The following CYTH4 variants were observed in gnomAD, a reference collection of about 807,000 sequenced individuals.
CYTH4 encodes cytohesin 4.
CYTH4 carries 22 observed loss-of-function variants against 57.5 expected under a neutral mutation model. The ratio of observed to expected loss-of-function variants is 0.38; its 90% CI spans 0.27 to 0.55. The LOEUF (loss-of-function observed/expected upper bound fraction) is 0.55, where lower values mean the gene tolerates loss of function less well. Among genes scored for constraint, CYTH4 ranks in the 20% least tolerant of loss-of-function variants. The pLI is 0.74. For synonymous variants in CYTH4, 186 were observed against 206.5 expected (o/e 0.90, Z 0.85); for missense variants, 420 against 535.6 (o/e 0.78, Z 2.13).
At position 37,298,903 on chromosome 22, in the gene CYTH4, C is replaced by A. The variant is rs926832235; in HGVS notation, c.354-323C>A. On this transcript the variant is annotated intron_variant, in intron 5 of 12. Transcript: ENST00000248901. This position sits in a 1 kb window ranked among gnomAD's most constrained non-coding sequence, Gnocchi z 4.1. Reference sequence around the variant, plus strand: ...AGCTGGGGCTGGGAAGGTCAAGTGGCTTCCGCGAGGTCACCAGGTGGGAAG... The same window carrying A: ...AGCTGGGGCTGGGAAGGTCAAGTGGATTCCGCGAGGTCACCAGGTGGGAAG... Among the ~76,000 whole-genome samples the A allele has an allele frequency of 6.6e-6, 1 of 152,110 alleles. No homozygotes were observed. The highest frequency in any genetic ancestry group is 1.5e-5 in the Non-Finnish European group (1 of 68,016).
intron 2 of CYTH4, 151 bp downstream of exon 2, chr22:37,292,854 G>T (rs1376713013): frequency 9.9e-6 from 7 of 706,440 alleles, no homozygotes; most frequent in African/African-American, 3.6e-5. Flanking sequence ...GGAGCAGGGA[G>T]AACAACAAGA....
intron 2 of CYTH4, among the ~76,000 whole-genome samples, chr22:37,294,372 G>A (rs992581029): frequency 6.6e-6 from 1 of 152,036 alleles, no homozygotes; most frequent in Non-Finnish European, 1.5e-5. Flanking sequence ...GTTGGAAAAA[G>A]GATGGGCAAG....
In CYTH4 at chr22:37,292,621, A is replaced by G. The variant is rs1273188998; in HGVS notation, c.20A>G (p.Glu7Gly). The G allele has an allele frequency of 1.2e-6, 2 of 1,613,596 alleles. No homozygotes were observed. Among genetic ancestry groups the G allele is most frequent in the East Asian group, 2.2e-5 (1 of 44,890 alleles). ...GGGAAGGCCGGTTGTCTCTCTGTAG[A>G]GCCCGCGGAGCTGAGCAGCGGGGAG... MDLCHPEPAELSSGETE... is the reference protein window; with the variant it reads MDLCHPGPAELSSGETE... The change falls in exon 2 of 13, where the codon GAG (glutamate) becomes GGG (glycine). Residue 7 changes from glutamate (E) to glycine (G), a missense_variant and splice_region_variant. Transcript: ENST00000248901.
chr22:37,312,222 G>A, intron 12 of CYTH4, 48 bp downstream of exon 12: 4 of 1,600,116 alleles, frequency 2.5e-6, no homozygotes, highest in Non-Finnish European at 3.4e-6. Context: ...CCTTCCAGAA[G>A]GCCCTGCTTC....
At position 37,311,736 on chromosome 22, in the gene CYTH4, T is replaced by C. The variant is rs901804340; in HGVS notation, c.957+209T>C. The C allele has an allele frequency of 6.1e-6, 4 of 658,004 alleles. No homozygotes were observed. The highest frequency in any genetic ancestry group is 5.5e-5 in the African/African-American group (3 of 54,846). The allele number at this position is 658,004 out of a possible 1,614,324, so 40.8% of individuals were successfully genotyped here. On this transcript the variant is annotated intron_variant, in intron 11 of 12. Coordinates refer to ENST00000248901, the MANE Select transcript of CYTH4 (RefSeq NM_013385.5). This position sits in a 1 kb window ranked among gnomAD's most constrained non-coding sequence, Gnocchi z 4.4. ...TGGGTCCAAGGACGTGGTTGTCCCC[T>C]GTTGTCCCACACAGCCCGACTGGCT...
chr22:37,304,713 G>C (rs1569110493), intron 8 of CYTH4, among the ~76,000 whole-genome samples: 1 of 152,180 alleles, frequency 6.6e-6, no homozygotes, highest in Admixed American at 6.5e-5. Context: ...TCAGAGAGGA[G>C]CCACTCCGTA....
At position 37,303,337 on chromosome 22, in the gene CYTH4, G is replaced by A. The variant is rs777541367; in HGVS notation, c.631G>A (p.Glu211Lys). The A allele has an allele frequency of 4.3e-6, 7 of 1,614,006 alleles. No individual in the cohort carries two copies. The highest frequency in any genetic ancestry group is 4.2e-6 in the Non-Finnish European group (5 of 1,180,014). ...CAACGTCCGGGACAGGCCGCCTTTT[G>A]AGCGCTTTGTGTCCATGAACCGCGG... ...NPNVRDRPPFERFVSMNRGIN... is the reference protein window; with the variant it reads ...NPNVRDRPPFKRFVSMNRGIN... The change falls in exon 8 of 13, where the codon GAG becomes AAG. Residue 211 changes from glutamate to lysine, a missense_variant. Transcript: ENST00000248901.
In CYTH4 at chr22:37,307,724, A is replaced by AG. The variant is rs972810629; in HGVS notation, c.697-1486dup. 3.6e-4 allele frequency among the ~76,000 whole-genome samples: 55 copies of AG among 152,378 alleles called. 1 individual carries two copies. Among genetic ancestry groups the AG allele is most frequent in the African/African-American group, 1.3e-3 (54 of 41,590 alleles). The stretch of plus-strand genomic sequence containing the variant: ...CAACAGCACACACAAACACAGCGAA[A>AG]GGAAATGATTTCATCCTCTGAGATA... On this transcript the variant is annotated intron_variant, in intron 8 of 12. Transcript: ENST00000248901.
At chr22:37,313,365 G>A (rs1253821681) in intron 12 of CYTH4, 74 bp from the exon 13 acceptor site, 11 of 1,464,218 alleles carry the variant, frequency 7.5e-6, no homozygotes, top group Middle Eastern at 3.5e-4. Context: ...CCATGCCCCT[G>A]ATACAAGCCC....
chr22:37,295,756 G>A lies in CYTH4; in HGVS notation c.168-243G>A, dbSNP rs1489181284. Among the ~76,000 whole-genome samples, 2 of 152,214 alleles carry A rather than the reference G, an allele frequency of 1.3e-5. No homozygotes were observed. The highest frequency in any genetic ancestry group is 2.9e-5 in the Non-Finnish European group (2 of 68,038). On this transcript the variant is annotated intron_variant, in intron 3 of 12. Transcript: ENST00000248901. This position sits in a 1 kb window ranked among gnomAD's most constrained non-coding sequence, Gnocchi z 4.1. ...CCACCTTCTCCCACACGGCAGCTCC[G>A]GGTTCCTGCAAGCTGCTAAATGCCC... is the stretch of plus-strand genomic sequence containing the variant.
chr22:37,310,042 G>C (rs1164126168), intron 9 of CYTH4: 4 of 467,326 alleles, frequency 8.6e-6, no homozygotes, highest in South Asian at 6.3e-5. Flanking sequence ...GGTGAGGACA[G>C]ATGCCTCATG....
intron 1 of CYTH4, among the ~76,000 whole-genome samples, chr22:37,285,182 A>G (rs1221374178): frequency 6.6e-6 from 1 of 152,154 alleles, no homozygotes; most frequent in Admixed American, 6.5e-5. Flanking sequence ...TAAAAATACG[A>G]TGGGAAAGAG....
chr22:37,300,285 G>A (rs1017545910), intron 6 of CYTH4: 2 of 713,694 alleles, frequency 2.8e-6, no homozygotes, highest in South Asian at 3.0e-5. Flanking sequence ...GGTGACTTGG[G>A]AGTCTCCCAT....
rs138097924 is a variant in CYTH4 at position 37,312,050 on chromosome 22, C to T, written c.988C>T (p.Arg330Ter). Residue 330 changes from arginine (R) to a stop codon, truncating the protein, a stop_gained, in exon 12 of 13, where the codon CGA becomes TGA. Coordinates refer to ENST00000248901, the MANE Select transcript of CYTH4 (RefSeq NM_013385.5). LOFTEE classifies it high-confidence loss of function. ...CCTGGAGCTCTACAACCCTAGCTGC[C>T]GAGGCCAGAAAATCAAGGCCTGCAA... ...FCLELYNPSC[R>*]GQKIKACKTD... 1.1e-5 allele frequency: 18 copies of T among 1,613,940 alleles called. No individual in the cohort carries two copies. The highest frequency in any genetic ancestry group is 2.7e-5 in the African/African-American group (2 of 74,892).
chr22:37,299,968 G>A (rs947271187), intron 6 of CYTH4: 2 of 693,378 alleles, frequency 2.9e-6, no homozygotes, highest in Non-Finnish European at 5.4e-6. Flanking sequence ...TCCAGCCTGG[G>A]CAACAGAGTG....
chr22:37,283,635 C>G (rs1050029229), intron 1 of CYTH4, among the ~76,000 whole-genome samples: 1 of 152,132 alleles, frequency 6.6e-6, no homozygotes, highest in Non-Finnish European at 1.5e-5. Flanking sequence ...ACAGCCCCCC[C>G]AGTGGCAGAA....
At chr22:37,291,732 G>A (rs1928753553) in intron 1 of CYTH4, among the ~76,000 whole-genome samples, 1 of 152,348 alleles carries the variant, frequency 6.6e-6, no homozygotes, top group South Asian at 2.1e-4. Flanking sequence ...ATATTACTCA[G>A]AGAAGGAGAG....
intron 8 of CYTH4, among the ~76,000 whole-genome samples, chr22:37,308,428 G>A (rs916263068): frequency 4.6e-5 from 7 of 152,004 alleles, no homozygotes; most frequent in South Asian, 2.1e-4. Flanking sequence ...GTATATGCAC[G>A]CAAGCGTGCA....
At chr22:37,305,600 G>A (rs1387525481) in intron 8 of CYTH4, among the ~76,000 whole-genome samples, 1 of 152,150 alleles carries the variant, frequency 6.6e-6, no homozygotes, top group Non-Finnish European at 1.5e-5. Flanking sequence ...AAACACACAG[G>A]CAGCTGCGTG....
Sources: allele counts gnomAD v4.1 joint callset (sites outside exome capture counted in the v4.1 genomes callset), GRCh38; gene constraint gnomAD v4.1.1; non-coding constraint Gnocchi (gnomAD v3.1); transcripts MANE v1.5; gene names NCBI Gene and HGNC (gene_info 2026-07-23, HGNC 2026-07-21).